MAST2: variants seen among roughly 807,000 people sequenced by gnomAD.
MAST2 encodes microtubule-associated serine/threonine-protein kinase 2.
A neutral mutation model predicts 147.4 loss-of-function variants in MAST2; 70 were observed. The observed-to-expected ratio is 0.47, with a 90% confidence interval of 0.39 to 0.58. The LOEUF (loss-of-function observed/expected upper bound fraction) is 0.58. Ranked by LOEUF, MAST2 falls within the 20% of genes least tolerant of loss-of-function variation. The pLI, the probability that MAST2 is intolerant of heterozygous loss-of-function variation, is 0.00. For missense variants in MAST2, 2,080 were observed against 2,302.3 expected, an observed-to-expected ratio of 0.90 and a Z score of 1.98; for synonymous variants, 869 against 896.8, an observed-to-expected ratio of 0.97 and a Z score of 0.55.
chr1:45,805,111 A>G (rs897527230), intron 1 of MAST2, among the ~76,000 whole-genome samples: 3 of 146,490 alleles, frequency 2.0e-5, no homozygotes, highest in African/African-American at 7.6e-5. Context: ...GTGCAGTGGC[A>G]TTATTTCGGC....
intron 3 of MAST2, among the ~76,000 whole-genome samples, chr1:45,841,249 C>T (rs972051563): frequency 3.3e-5 from 5 of 152,056 alleles, no homozygotes; most frequent in African/African-American, 1.2e-4. Context: ...GGTGAGCCAC[C>T]GCACCTGGCA....
chr1:45,940,000 T>TGTTTTTTTTGTTTTTTTTTTTTGAGA (rs1656980956), intron 4 of MAST2, among the ~76,000 whole-genome samples: 1 of 134,496 alleles, frequency 7.4e-6, no homozygotes. Flanking sequence ...TTTTTTTTTT[T>TGTTTTTTTTGTTTTTTTTTTTTGAGA]TGAGATGGAG....
intron 3 of MAST2, chr1:45,865,155 C>A (rs987293628): frequency 2.2e-6 from 1 of 455,130 alleles, no homozygotes; most frequent in African/African-American, 2.0e-5. Context: ...TAAAAGAAAA[C>A]CTTTTTCACT....
rs1269170241 is a variant in MAST2 at position 45,997,746 on chromosome 1, C to A, written c.615C>A (p.Pro205=). 7 of 1,614,154 alleles carry A rather than the reference C, an allele frequency of 4.3e-6. No homozygotes were observed. The highest frequency in any genetic ancestry group is 5.9e-6 in the Non-Finnish European group (7 of 1,179,986). Residue 205 remains proline (P), a synonymous_variant, in exon 6 of 29, where the codon CCC becomes CCA. Coordinates refer to ENST00000361297, the MANE Select transcript of MAST2 (RefSeq NM_015112.3). Reference sequence around the variant, plus strand: ...CAGGTAACAGTCCTTTGGACAGCCCCCGGAATTTCTCTCCAAATGCACCTG... The same window carrying A: ...CAGGTAACAGTCCTTTGGACAGCCCACGGAATTTCTCTCCAAATGCACCTG... The part of the protein sequence containing the change: ...GHTGNSPLDS[P]RNFSPNAPAH...
At chr1:45,911,491 G>T (rs1178240065) in intron 4 of MAST2, among the ~76,000 whole-genome samples, 1 of 152,110 alleles carries the variant, frequency 6.6e-6, no homozygotes, top group African/African-American at 2.4e-5. Context: ...GCTGTTGTCA[G>T]AAATTTCTAC....
chr1:45,965,052 G>T (rs1475970496), intron 5 of MAST2, among the ~76,000 whole-genome samples: 1 of 152,164 alleles, frequency 6.6e-6, no homozygotes, highest in African/African-American at 2.4e-5. Flanking sequence ...TTAATCCTGA[G>T]TTCTAGTTTG....
At chr1:45,933,895 A>C (rs530801585) in intron 4 of MAST2, among the ~76,000 whole-genome samples, 128 of 141,886 alleles carry the variant, frequency 9.0e-4, no homozygotes, top group Middle Eastern at 3.4e-3. Context: ...ACTTTAATGA[A>C]AAATTTTAAG....
At chr1:45,924,133 T>C (rs1184809444) in intron 4 of MAST2, among the ~76,000 whole-genome samples, 7 of 152,086 alleles carry the variant, frequency 4.6e-5, no homozygotes, top group African/African-American at 1.7e-4. Flanking sequence ...CCTCCCAAAG[T>C]GCTGGGATTA....
intron 4 of MAST2, among the ~76,000 whole-genome samples, chr1:45,934,551 A>T (rs1372053288): frequency 6.6e-6 from 1 of 152,082 alleles, no homozygotes; most frequent in Non-Finnish European, 1.5e-5. Flanking sequence ...TCAGCTTCCC[A>T]AGTAGCTGGG....
chr1:45,872,729 C>T (rs1646447397), intron 3 of MAST2, among the ~76,000 whole-genome samples: 1 of 152,146 alleles, frequency 6.6e-6, no homozygotes, highest in African/African-American at 2.4e-5. Flanking sequence ...GGTCCACCAG[C>T]CTCGGCCTCC....
chr1:45,807,262 T>C (rs944732812), intron 1 of MAST2, among the ~76,000 whole-genome samples: 1 of 152,304 alleles, frequency 6.6e-6, no homozygotes. Context: ...CTTTGTCTTG[T>C]GTTTTCTCTT....
intron 5 of MAST2, among the ~76,000 whole-genome samples, chr1:45,968,792 TTCTC>T (rs1300870150): frequency 6.6e-6 from 1 of 152,016 alleles, no homozygotes; most frequent in African/African-American, 2.4e-5. Flanking sequence ...TTCCCTTCCT[TTCTC>T]TCTTTTTCTT....
At chr1:45,921,720 C>T (rs1653525024) in intron 4 of MAST2, among the ~76,000 whole-genome samples, 1 of 152,198 alleles carries the variant, frequency 6.6e-6, no homozygotes, top group African/African-American at 2.4e-5. Flanking sequence ...GGCCCCAAAG[C>T]AGGAGTCACA....
Position 46,030,220 on chromosome 1 carries a change from C to T in MAST2, c.2535C>T (p.Cys845=). Residue 845 remains cysteine (C), a synonymous_variant, in exon 21 of 29, where the codon TGC becomes TGT. Transcript: ENST00000361297. ...TTGAGATCCGCCAGTTCTCTTCCTG[C>T]TCTCCAAGGTTCAACAAGGTGTGAC... The part of the protein sequence containing the change: ...GCLEIRQFSS[C]SPRFNKVYSS... The T allele has an allele frequency of 3.7e-6, 6 of 1,614,182 alleles. No individual in the cohort carries two copies. Among genetic ancestry groups the T allele is most frequent in the Non-Finnish European group, 5.1e-6 (6 of 1,180,022 alleles).
chr1:45,836,881 T>C (rs1645118186), intron 3 of MAST2, among the ~76,000 whole-genome samples: 1 of 152,182 alleles, frequency 6.6e-6, no homozygotes, highest in African/African-American at 2.4e-5. Context: ...AAGACAGTTT[T>C]TCCACAGATG....
intron 4 of MAST2, among the ~76,000 whole-genome samples, chr1:45,928,317 AAC>A (rs1654731544): frequency 6.6e-6 from 1 of 152,198 alleles, no homozygotes; most frequent in South Asian, 2.1e-4. Flanking sequence ...CCACACCTAA[AAC>A]AATAGTTTAT....
intron 6 of MAST2, 107 bp downstream of exon 6, chr1:45,997,906 T>C: frequency 1.1e-6 from 1 of 908,986 alleles, no homozygotes; most frequent in Non-Finnish European, 1.8e-6. Flanking sequence ...TTCAAGTGTA[T>C]TACCTGAAGC....
intron 10 of MAST2, 151 bp downstream of exon 10, chr1:46,011,090 C>T: frequency 1.5e-6 from 1 of 650,938 alleles, no homozygotes; most frequent in South Asian, 1.9e-5. Context: ...ACTTAGATTC[C>T]TCCTCAGTCC....
chr1:46,024,241 A>G (rs1417496073), intron 15 of MAST2: 4 of 458,046 alleles, frequency 8.7e-6, no homozygotes, highest in Non-Finnish European at 1.6e-5. Flanking sequence ...CAAAGCCTGC[A>G]CGCTCTCTAC....
Sources: gnomAD v4.1 joint callset for allele counts (sites outside exome capture counted in the v4.1 genomes callset) on GRCh38, gnomAD v4.1.1 for gene constraint, MANE v1.5 for transcripts, NCBI Gene and HGNC (gene_info 2026-07-23, HGNC 2026-07-21) for gene names.